NRXN3: variants seen among roughly 807,000 people sequenced by gnomAD.
NRXN3 encodes the protein neurexin III.
A neutral mutation model predicts 137.6 loss-of-function variants in NRXN3; 32 were observed. The observed-to-expected ratio is 0.23, with a 90% CI of 0.18 to 0.31. NRXN3 has a LOEUF of 0.31. Among genes scored for constraint, NRXN3 ranks in the 10% least tolerant of loss-of-function variants. The pLI is 1.00. For missense variants in NRXN3, 1,574 were observed against 2,062.5 expected (o/e 0.76, Z 4.59); for synonymous variants, 798 against 784.5 (o/e 1.02, Z -0.29).
chr14:79,383,409 C>A (rs548928236), intron 15 of NRXN3, among the ~76,000 whole-genome samples: 1 of 152,204 alleles, frequency 6.6e-6, no homozygotes, highest in Non-Finnish European at 1.5e-5. Context: ...ACTATGAATC[C>A]ATCATGTGTC....
At chr14:79,669,819 T>C (rs545379000) in intron 17 of NRXN3, among the ~76,000 whole-genome samples, 1 of 152,078 alleles carries the variant, frequency 6.6e-6, no homozygotes, top group African/African-American at 2.4e-5. Flanking sequence ...CCCAGTGCTA[T>C]GGGTACATTG....
At chr14:78,393,611 A>G (rs1160549470) in intron 4 of NRXN3, among the ~76,000 whole-genome samples, 1 of 151,864 alleles carries the variant, frequency 6.6e-6, no homozygotes, top group East Asian at 1.9e-4. Flanking sequence ...TTTAATTTCC[A>G]TACACATTTT....
chr14:78,696,872 C>T (rs1338261608), intron 6 of NRXN3, among the ~76,000 whole-genome samples: 1 of 152,088 alleles, frequency 6.6e-6, no homozygotes, highest in Non-Finnish European at 1.5e-5. Context: ...ACTGTTTCTA[C>T]TACTGCCATC....
At chr14:79,810,563 C>A (rs1603574111) in intron 20 of NRXN3, among the ~76,000 whole-genome samples, 1 of 152,208 alleles carries the variant, frequency 6.6e-6, no homozygotes, top group Non-Finnish European at 1.5e-5. Context: ...ACAATATTCA[C>A]ATTTGCATTT....
intron 10 of NRXN3, among the ~76,000 whole-genome samples, chr14:78,898,450 CT>C (rs1056728023): frequency 1.3e-5 from 2 of 151,884 alleles, no homozygotes; most frequent in African/African-American, 4.8e-5. Flanking sequence ...TGAATTTCAT[CT>C]TCAAAGCACA....
At chr14:79,471,910 G>C (rs1270575027) in intron 16 of NRXN3, among the ~76,000 whole-genome samples, 2 of 152,022 alleles carry the variant, frequency 1.3e-5, no homozygotes, top group African/African-American at 4.8e-5. Flanking sequence ...CGTGTCATGG[G>C]GGTTTGTTGT....
chr14:78,850,830 G>A (rs190316674), intron 10 of NRXN3, among the ~76,000 whole-genome samples: 89 of 152,120 alleles, frequency 5.9e-4, no homozygotes, highest in African/African-American at 1.6e-3. Flanking sequence ...AAATTATAAA[G>A]GCACATGAAA....
intron 15 of NRXN3, among the ~76,000 whole-genome samples, chr14:79,059,244 C>A (rs1250047439): frequency 8.4e-6 from 1 of 118,946 alleles, no homozygotes; most frequent in Non-Finnish European, 1.7e-5. Flanking sequence ...GCCTTCAGGC[C>A]CTATTCTTTT....
At chr14:78,776,291 T>C (rs895091465) in intron 8 of NRXN3, among the ~76,000 whole-genome samples, 12 of 152,208 alleles carry the variant, frequency 7.9e-5, no homozygotes, top group African/African-American at 2.2e-4. Flanking sequence ...CTGAGTAGTG[T>C]TGTGCAATTT....
chr14:79,732,969 AAT>A (rs1345408339), intron 19 of NRXN3, among the ~76,000 whole-genome samples: 3 of 152,194 alleles, frequency 2.0e-5, no homozygotes, highest in Non-Finnish European at 4.4e-5. Flanking sequence ...TATTAATATT[AAT>A]ATCAGCAAGA....
chr14:78,773,027 C>A (rs1248984238), intron 8 of NRXN3, among the ~76,000 whole-genome samples: 1 of 151,940 alleles, frequency 6.6e-6, no homozygotes, highest in Admixed American at 6.6e-5. Context: ...GCATAAAGTC[C>A]CGATTGGCTC....
intron 10 of NRXN3, among the ~76,000 whole-genome samples, chr14:78,946,308 T>G (rs1474368807): frequency 6.6e-6 from 1 of 152,184 alleles, no homozygotes; most frequent in African/African-American, 2.4e-5. Flanking sequence ...GTCTATGCCT[T>G]ATGGAATCTG....
chr14:79,735,532 A>T (rs2098938933), intron 19 of NRXN3, among the ~76,000 whole-genome samples: 1 of 152,204 alleles, frequency 6.6e-6, no homozygotes, highest in Non-Finnish European at 1.5e-5. Flanking sequence ...TTATGAAAGC[A>T]GGAAGAAATG....
At chr14:79,111,714 G>T (rs1402989660) in intron 15 of NRXN3, among the ~76,000 whole-genome samples, 2 of 150,770 alleles carry the variant, frequency 1.3e-5, no homozygotes, top group Non-Finnish European at 2.9e-5. Flanking sequence ...CTCCAGCCTG[G>T]GTGATAGAGA....
intron 1 of NRXN3, among the ~76,000 whole-genome samples, chr14:78,227,993 G>A (rs1054057039): frequency 6.6e-6 from 1 of 152,088 alleles, no homozygotes. Context: ...GCCATTCAGC[G>A]AAAGCAAGTC....
At chr14:79,800,952 T>C (rs2099177031) in intron 19 of NRXN3, among the ~76,000 whole-genome samples, 1 of 152,234 alleles carries the variant, frequency 6.6e-6, no homozygotes, top group Non-Finnish European at 1.5e-5. Context: ...AGTCTAAGTG[T>C]AGCATTCCTA....
chr14:78,289,355 A>G (rs2075544839), intron 3 of NRXN3, among the ~76,000 whole-genome samples: 1 of 152,106 alleles, frequency 6.6e-6, no homozygotes, highest in Admixed American at 6.5e-5. Context: ...TTAAACCACC[A>G]TTTTTATAGG....
At chr14:78,617,471 T>C (rs1051688520) in intron 4 of NRXN3, among the ~76,000 whole-genome samples, 1 of 152,220 alleles carries the variant, frequency 6.6e-6, no homozygotes, top group African/African-American at 2.4e-5. Flanking sequence ...TCCTGCAGAA[T>C]GAACATTTAG....
chr14:79,257,400 GTGGTGGTGGTGGTGA>G (rs2076769881), intron 15 of NRXN3, among the ~76,000 whole-genome samples: 4 of 86,336 alleles, frequency 4.6e-5, no homozygotes, highest in Non-Finnish European at 7.3e-5. Context: ...GGTGGTGGTG[GTGGTGGTGGTGGTGA>G]TGGTGGTGAT....
Sources: allele counts gnomAD v4.1 joint callset (sites outside exome capture counted in the v4.1 genomes callset), GRCh38; gene constraint gnomAD v4.1.1; transcripts MANE v1.5; gene names NCBI Gene and HGNC (gene_info 2026-07-23, HGNC 2026-07-21).